The following FRMD4A variants were observed in gnomAD, a reference collection of about 807,000 sequenced individuals.
The protein encoded by FRMD4A is FERM domain-containing protein 4A.
A neutral mutation model predicts 129.1 loss-of-function variants in FRMD4A; 29 were observed. The ratio of observed to expected loss-of-function variants is 0.22; its 90% CI spans 0.17 to 0.31. The LOEUF (loss-of-function observed/expected upper bound fraction) is 0.31, where lower values mean the gene tolerates loss of function less well. FRMD4A is among the 10% of genes least tolerant of loss of function. The pLI, the probability that FRMD4A is intolerant of heterozygous loss-of-function variation, is 1.00. For synonymous variants in FRMD4A, 634 were observed against 571.6 expected (o/e 1.11, Z -1.56); for missense variants, 1,272 against 1,375.8 (o/e 0.92, Z 1.19).
chr10:13,683,524 G>A (rs1315214382), intron 15 of FRMD4A, among the ~76,000 whole-genome samples: 4 of 152,026 alleles, frequency 2.6e-5, no homozygotes, highest in African/African-American at 9.7e-5. Flanking sequence ...TTGAATCCGG[G>A]AGTTTGAGAG....
chr10:14,017,642 T>C (rs2095703341), intron 2 of FRMD4A, among the ~76,000 whole-genome samples: 2 of 152,206 alleles, frequency 1.3e-5, no homozygotes, highest in African/African-American at 2.4e-5. Context: ...ATAGTTCATC[T>C]TGGTTCAAGT....
At chr10:14,065,195 T>A (rs558895265) in intron 2 of FRMD4A, among the ~76,000 whole-genome samples, 2 of 152,150 alleles carry the variant, frequency 1.3e-5, no homozygotes, top group East Asian at 3.9e-4. Context: ...TTCCTTCTTT[T>A]TTGAGAGATG....
At chr10:13,924,015 G>A (rs947924873) in intron 2 of FRMD4A, among the ~76,000 whole-genome samples, 1 of 152,224 alleles carries the variant, frequency 6.6e-6, no homozygotes, top group Non-Finnish European at 1.5e-5. Flanking sequence ...AGGTTGGGGT[G>A]GGCCGTGGCT....
At position 13,868,691 on chromosome 10, in the gene FRMD4A, C is replaced by T. The variant is rs1043905228; in HGVS notation, c.46-9779G>A. ...GTGTGTGCCTATAGTCCCAGCTACT[C>T]GGGAGGCTGAGGTGGGAGGATTGCC... On this transcript the variant is annotated intron_variant, in intron 2 of 24. Transcript: ENST00000357447. Among the ~76,000 whole-genome samples, 8 of 152,050 alleles carry T rather than the reference C, an allele frequency of 5.3e-5. No homozygotes were observed. The South Asian group carries it at 1.0e-3, about 20-fold the overall frequency.
intron 2 of FRMD4A, among the ~76,000 whole-genome samples, chr10:14,297,478 G>C (rs1846046418): frequency 6.6e-6 from 1 of 152,084 alleles, no homozygotes; most frequent in East Asian, 1.9e-4. Flanking sequence ...AGGAAGTATG[G>C]ATGGCTCATC....
At chr10:13,971,522 T>C in intron 2 of FRMD4A, 1 of 463,310 alleles carries the variant, frequency 2.2e-6, no homozygotes, top group South Asian at 1.8e-5. Context: ...TCTGTTCATG[T>C]TAACTGCTCC....
At chr10:13,729,827 G>C (rs950543387) in intron 12 of FRMD4A, among the ~76,000 whole-genome samples, 32 of 152,198 alleles carry the variant, frequency 2.1e-4, no homozygotes, top group African/African-American at 6.3e-4. Context: ...AACAAGGACT[G>C]ATGTTGCTAT....
At chr10:13,884,071 C>T (rs755036684) in intron 2 of FRMD4A, among the ~76,000 whole-genome samples, 19 of 151,824 alleles carry the variant, frequency 1.3e-4, no homozygotes, top group Admixed American at 3.3e-4. Flanking sequence ...AATATTTTCA[C>T]GGTGGTTGAG....
In FRMD4A at chr10:14,194,706, A is replaced by T. The variant is rs1401879857; in HGVS notation, c.45+135352T>A. On this transcript the variant is annotated intron_variant, in intron 2 of 24. Coordinates refer to ENST00000357447, the MANE Select transcript of FRMD4A (RefSeq NM_018027.5). The stretch of plus-strand genomic sequence containing the variant: ...GATGTCAAGAGGATAAACTTTCTGG[A>T]ATCTCTTATTTTATGGTTCTCTCTC... Among the ~76,000 whole-genome samples, 3 of 152,192 alleles carry T rather than the reference A, an allele frequency of 2.0e-5. No individual in the cohort carries two copies. In the East Asian group the frequency reaches 5.8e-4, roughly 29 times the overall value.
chr10:13,956,265 G>T (rs2095409685), intron 2 of FRMD4A, among the ~76,000 whole-genome samples: 1 of 152,134 alleles, frequency 6.6e-6, no homozygotes, highest in Non-Finnish European at 1.5e-5. Flanking sequence ...TGATTCTCGT[G>T]CCTCCGCCTC....
intron 2 of FRMD4A, among the ~76,000 whole-genome samples, chr10:14,169,979 C>T (rs1841389845): frequency 6.6e-6 from 1 of 152,106 alleles, no homozygotes; most frequent in Non-Finnish European, 1.5e-5. Context: ...GATCTGAATT[C>T]ATGTACAAGC....
At chr10:13,806,327 A>C (rs1375084037) in intron 4 of FRMD4A, among the ~76,000 whole-genome samples, 1 of 152,128 alleles carries the variant, frequency 6.6e-6, no homozygotes, top group Admixed American at 6.5e-5. Context: ...GTCTTAAAAC[A>C]GCAATAGAAA....
intron 6 of FRMD4A, among the ~76,000 whole-genome samples, chr10:13,765,121 T>TTG (rs2092238664): frequency 6.7e-6 from 1 of 148,832 alleles, no homozygotes; most frequent in Non-Finnish European, 1.5e-5. Context: ...TTTGTTTTTT[T>TTG]TTTTTTTTTT....
intron 2 of FRMD4A, among the ~76,000 whole-genome samples, chr10:14,256,746 G>C (rs1422373144): frequency 1.3e-5 from 2 of 152,084 alleles, no homozygotes; most frequent in Non-Finnish European, 2.9e-5. Context: ...ACTTTGTGTG[G>C]CCAAGGTATA....
At chr10:14,193,298 A>G (rs2131925903) in intron 2 of FRMD4A, among the ~76,000 whole-genome samples, 1 of 152,364 alleles carries the variant, frequency 6.6e-6, no homozygotes, top group Non-Finnish European at 1.5e-5. Context: ...CACATCAGGA[A>G]CTGTGCAATG....
intron 2 of FRMD4A, among the ~76,000 whole-genome samples, chr10:14,004,273 T>C (rs2095653616): frequency 6.6e-6 from 1 of 152,244 alleles, no homozygotes; most frequent in Non-Finnish European, 1.5e-5. Flanking sequence ...CTGGGTGCGG[T>C]GGCTCACGCC....
At chr10:14,302,106 G>A (rs192028742) in intron 2 of FRMD4A, among the ~76,000 whole-genome samples, 24 of 152,314 alleles carry the variant, frequency 1.6e-4, no homozygotes, top group Non-Finnish European at 2.5e-4. Context: ...GCATTGGATG[G>A]TCATTCTTCT....
At chr10:14,093,652 C>T (rs1213890184) in intron 2 of FRMD4A, among the ~76,000 whole-genome samples, 1 of 152,140 alleles carries the variant, frequency 6.6e-6, no homozygotes, top group African/African-American at 2.4e-5. Flanking sequence ...AAACAAATGT[C>T]TTTGATTTCA....
intron 2 of FRMD4A, among the ~76,000 whole-genome samples, chr10:14,161,811 G>A (rs1840900742): frequency 1.3e-5 from 2 of 152,106 alleles, no homozygotes; most frequent in South Asian, 4.1e-4. Flanking sequence ...GATTTGAAAT[G>A]TTCTCAACAC....
Sources: gnomAD v4.1 joint callset for allele counts (sites outside exome capture counted in the v4.1 genomes callset) on GRCh38, gnomAD v4.1.1 for gene constraint, MANE v1.5 for transcripts, NCBI Gene and HGNC (gene_info 2026-07-23, HGNC 2026-07-21) for gene names.